SEC14L1: variants seen among roughly 807,000 people sequenced by gnomAD.
The protein encoded by SEC14L1 is SEC14 like lipid binding 1, also known as SEC14-like protein 1.
SEC14L1 carries 48 observed loss-of-function variants against 85.3 expected under a neutral mutation model. That is an observed-to-expected ratio of 0.56 (90% CI 0.45 to 0.72). SEC14L1 has a LOEUF of 0.72. Ranked by LOEUF, SEC14L1 falls within the 30% of genes least tolerant of loss-of-function variation. The pLI is 0.00. For missense variants in SEC14L1, 682 were observed against 921.4 expected (o/e 0.74, Z 3.36); for synonymous variants, 391 against 355.5 (o/e 1.10, Z -1.12).
intron 3 of SEC14L1, among the ~76,000 whole-genome samples, chr17:77,158,037 G>A (rs1283948297): frequency 1.3e-5 from 2 of 151,762 alleles, no homozygotes; most frequent in Admixed American, 6.6e-5. Flanking sequence ...ATGAGCCACC[G>A]TGCCTGGCCA....
intron 3 of SEC14L1, among the ~76,000 whole-genome samples, chr17:77,118,075 A>G (rs1351610770): frequency 6.6e-6 from 1 of 152,258 alleles, no homozygotes; most frequent in African/African-American, 2.4e-5. Context: ...ATCTGGGCAT[A>G]CTGACTAGGC....
chr17:77,152,060 C>A (rs1375821326), intron 3 of SEC14L1, among the ~76,000 whole-genome samples: 1 of 152,146 alleles, frequency 6.6e-6, no homozygotes, highest in African/African-American at 2.4e-5. Flanking sequence ...ACTGCAGCCT[C>A]GAACTCCTGG....
intron 3 of SEC14L1, among the ~76,000 whole-genome samples, chr17:77,100,314 G>C (rs1304710313): frequency 6.6e-6 from 1 of 151,814 alleles, no homozygotes; most frequent in Non-Finnish European, 1.5e-5. Flanking sequence ...TGCGCAAAAG[G>C]TGCCTACCGC....
At chr17:77,186,298 A>G (rs955570397) in intron 3 of SEC14L1, among the ~76,000 whole-genome samples, 4 of 151,976 alleles carry the variant, frequency 2.6e-5, no homozygotes, top group African/African-American at 9.7e-5. Flanking sequence ...CCGCCACCTG[A>G]GGTTGCCTTG....
At chr17:77,161,300 A>G (rs1189559183) in intron 3 of SEC14L1, among the ~76,000 whole-genome samples, 1 of 152,250 alleles carries the variant, frequency 6.6e-6, no homozygotes, top group Admixed American at 6.5e-5. Flanking sequence ...CAGTCTGGCC[A>G]ACATGGTGAA....
At chr17:77,199,005 C>CTT (rs570875410) in intron 8 of SEC14L1, 199 of 133,936 alleles carry the variant, frequency 1.5e-3, no homozygotes, top group East Asian at 3.1e-3. Context: ...CGTCTTCTTT[C>CTT]TTTTTTTTTT....
chr17:77,153,900 A>T (rs781555125), intron 3 of SEC14L1, among the ~76,000 whole-genome samples: 4 of 152,162 alleles, frequency 2.6e-5, no homozygotes, highest in Non-Finnish European at 4.4e-5. Context: ...AGACACTTTT[A>T]TATAGTTCTA....
rs1567943678 is a variant in SEC14L1, at chr17:77,216,188, AGTAGGTAGG to A, written c.*2167_*2175del. On this transcript the variant is annotated 3_prime_UTR_variant, in exon 17 of 17. Coordinates refer to ENST00000436233, the MANE Select transcript of SEC14L1 (RefSeq NM_001143998.2). ...GTAGGTAGGGCTAGTAGGTAGGGTT[AGTAGGTAGG>A]GCTAGTAGGTAGGGCTAGTAGGTAG... The A allele has an allele frequency of 2.0e-4, 141 of 710,556 alleles. 1 individual carries two copies. In the South Asian group the frequency reaches 3.8e-3, roughly 19 times the overall value. The allele number at this position is 710,556 out of a possible 1,614,324, so 44.0% of individuals were successfully genotyped here. A position where few individuals can be genotyped will look rare whatever the true frequency, so the allele number is the denominator to read the frequency against.
At position 77,214,995 on chromosome 17, in the gene SEC14L1, C is replaced by A; in HGVS notation, c.*972C>A. The A allele has an allele frequency of 1.0e-6, 1 of 985,458 alleles. No individual in the cohort carries two copies. Among genetic ancestry groups the A allele is most frequent in the Admixed American group, 6.1e-5 (1 of 16,276 alleles). 61.0% of individuals were successfully genotyped at this position (985,458 alleles called of 1,614,324 possible). A position where few individuals can be genotyped will look rare whatever the true frequency, so the allele number is the denominator to read the frequency against. On this transcript the variant is annotated 3_prime_UTR_variant, in exon 17 of 17. Coordinates refer to ENST00000436233, the MANE Select transcript of SEC14L1 (RefSeq NM_001143998.2). ...AGTAGCTAAGCAGCAGCTCTCGCAT[C>A]CACTTCAGGGTGGCGTGTGGCATGT...
chr17:77,176,613 G>T (rs917548504), intron 3 of SEC14L1, among the ~76,000 whole-genome samples: 7 of 152,200 alleles, frequency 4.6e-5, no homozygotes, highest in Non-Finnish European at 7.3e-5. Context: ...TTGAGACAGA[G>T]TCTCGCTCTG....
At chr17:77,176,581 T>C (rs925215493) in intron 3 of SEC14L1, among the ~76,000 whole-genome samples, 1 of 152,132 alleles carries the variant, frequency 6.6e-6, no homozygotes, top group African/African-American at 2.4e-5. Flanking sequence ...ATAATTATGG[T>C]TTTTTGTTTG....
At chr17:77,185,537 T>C (rs1225319693) in intron 3 of SEC14L1, among the ~76,000 whole-genome samples, 1 of 152,202 alleles carries the variant, frequency 6.6e-6, no homozygotes. Context: ...GGATGGTGTG[T>C]GTATTTTGAA....
exon 3 of SEC14L1, chr17:77,093,253 T>C (rs1971560074): frequency 6.6e-6 from 1 of 152,272 alleles, no homozygotes; most frequent in African/African-American, 2.4e-5. Context: ...GGTCAGTTTC[T>C]GGAAGACTTG....
At chr17:77,107,087 T>C (rs1971931247) in intron 3 of SEC14L1, among the ~76,000 whole-genome samples, 1 of 152,200 alleles carries the variant, frequency 6.6e-6, no homozygotes, top group Non-Finnish European at 1.5e-5. Context: ...AGCTGATCAA[T>C]GAAGAGCTTT....
At chr17:77,208,613 G>A (rs1270744103) in intron 13 of SEC14L1, among the ~76,000 whole-genome samples, 1 of 152,192 alleles carries the variant, frequency 6.6e-6, no homozygotes, top group African/African-American at 2.4e-5. Flanking sequence ...TCTGGTGGCC[G>A]GAGGTTACTA....
intron 1 of SEC14L1, chr17:77,141,365 C>T (rs1457388259): frequency 2.9e-5 from 4 of 139,536 alleles, no homozygotes; most frequent in Non-Finnish European, 6.3e-5. Context: ...CCTCGCCAGG[C>T]TTCCAGTTCC....
At chr17:77,131,521 C>T (rs971593360) in intron 3 of SEC14L1, among the ~76,000 whole-genome samples, 13 of 152,292 alleles carry the variant, frequency 8.5e-5, no homozygotes, top group East Asian at 1.9e-4. Flanking sequence ...CCACCCGCCT[C>T]GACCTCCCAA....
rs1427281824 is a variant in SEC14L1 at position 77,215,168 on chromosome 17, A to G, written c.*1145A>G. On this transcript the variant is annotated 3_prime_UTR_variant, in exon 17 of 17. Transcript: ENST00000436233. ...TAGTTTGAGTAATGAAGGAATCTTC[A>G]CAGAAGCAAATCAGAATATGGGATT... The G allele has an allele frequency of 6.1e-6, 6 of 985,394 alleles. No individual in the cohort carries two copies. The highest frequency in any genetic ancestry group is 7.2e-6 in the Non-Finnish European group (6 of 829,998). 61.0% of individuals were successfully genotyped at this position (985,394 alleles called of 1,614,324 possible). A position where few individuals can be genotyped will look rare whatever the true frequency, so the allele number is the denominator to read the frequency against.
chr17:77,151,861 A>T (rs1346826071), intron 3 of SEC14L1, among the ~76,000 whole-genome samples: 1 of 152,204 alleles, frequency 6.6e-6, no homozygotes, highest in Non-Finnish European at 1.5e-5. Flanking sequence ...AACTCTTGCC[A>T]ATATTTTTAT....
Sources: allele counts gnomAD v4.1 joint callset (sites outside exome capture counted in the v4.1 genomes callset), GRCh38; gene constraint gnomAD v4.1.1; transcripts MANE v1.5; gene names NCBI Gene and HGNC (gene_info 2026-07-23, HGNC 2026-07-21).